TNNI3K: variants seen among roughly 807,000 people sequenced by gnomAD.
TNNI3K encodes the protein serine/threonine-protein kinase TNNI3K.
In TNNI3K, 140 loss-of-function variants were observed where a neutral mutation model predicts 114.5. That is an observed-to-expected ratio of 1.22 (90% CI 1.07 to 1.41). The LOEUF (loss-of-function observed/expected upper bound fraction) is 1.41, where lower values mean the gene tolerates loss of function less well. Ranked by LOEUF, TNNI3K falls within the 40% of genes most tolerant of loss-of-function variation. The pLI is 0.00. For synonymous variants in TNNI3K, 347 were observed against 347.5 expected, an observed-to-expected ratio of 1.00 and a Z score of 0.02; for missense variants, 1,125 against 1,007.6, an observed-to-expected ratio of 1.12 and a Z score of -1.58.
At chr1:74,251,694 T>C (rs940460531) in intron 4 of TNNI3K, among the ~76,000 whole-genome samples, 3 of 152,198 alleles carry the variant, frequency 2.0e-5, no homozygotes, top group Non-Finnish European at 2.9e-5. Flanking sequence ...GAGGGACAAC[T>C]TTTTGCTTGT....
chr1:74,469,578 C>CT (rs3835392), intron 21 of TNNI3K: 7,180 of 208,194 alleles, frequency 0.034, 113 homozygotes, highest in Non-Finnish European at 0.05. Context: ...TTGTTTAAGG[C>CT]TTTTTTTTTT....
At chr1:74,538,758 A>G (rs1646691059) in intron 23 of TNNI3K, among the ~76,000 whole-genome samples, 1 of 152,122 alleles carries the variant, frequency 6.6e-6, no homozygotes, top group Non-Finnish European at 1.5e-5. Flanking sequence ...ATTTGCGTTT[A>G]TTAAGAAGAG....
At chr1:74,524,068 G>A (rs566239801) in intron 23 of TNNI3K, among the ~76,000 whole-genome samples, 87 of 152,308 alleles carry the variant, frequency 5.7e-4, no homozygotes, top group African/African-American at 1.8e-3. Flanking sequence ...TTTTTGCAAA[G>A]CATTGACATT....
intron 23 of TNNI3K, among the ~76,000 whole-genome samples, chr1:74,506,389 G>A (rs903065851): frequency 6.6e-6 from 1 of 152,152 alleles, no homozygotes; most frequent in Non-Finnish European, 1.5e-5. Flanking sequence ...CTAGTAAACA[G>A]CAGGGCCAAG....
At position 74,243,609 on chromosome 1, in the gene TNNI3K, T is replaced by C. The variant is rs1654378112; in HGVS notation, c.150-5850T>C. ...TTCCCACTTGTGGTCATGTTAGATATCTTCTTGAAAGGATGAGGTCATGAA... is the reference window on the plus strand; with the variant it reads ...TTCCCACTTGTGGTCATGTTAGATACCTTCTTGAAAGGATGAGGTCATGAA... On this transcript the variant is annotated intron_variant, in intron 2 of 24. Transcript: ENST00000326637. Among the ~76,000 whole-genome samples, 4 of 152,180 alleles carry C rather than the reference T, an allele frequency of 2.6e-5. No individual in the cohort carries two copies. In the South Asian group the frequency reaches 8.3e-4, roughly 32 times the overall value.
intron 20 of TNNI3K, among the ~76,000 whole-genome samples, chr1:74,449,394 T>G (rs1219868528): frequency 6.6e-6 from 1 of 151,932 alleles, no homozygotes; most frequent in Admixed American, 6.6e-5. Flanking sequence ...ATCAATTTTG[T>G]TGATCCTTTC....
chr1:74,402,056 A>C (rs1278038304), intron 17 of TNNI3K: 1 of 200,188 alleles, frequency 5.0e-6, no homozygotes, highest in Non-Finnish European at 1.0e-5. Flanking sequence ...CATCCTTTAG[A>C]GTTTTTTAGT....
chr1:74,362,671 GTCTCTTGGATTGACTTGTCAT>G (rs1269800350), intron 11 of TNNI3K, among the ~76,000 whole-genome samples: 5 of 152,184 alleles, frequency 3.3e-5, no homozygotes, highest in African/African-American at 9.6e-5. Context: ...CTTTGTAACA[GTCTCTTGGATTGACTTGTCAT>G]CTTAAACAAA....
chr1:74,325,864 A>G (rs1021003947), intron 5 of TNNI3K, among the ~76,000 whole-genome samples: 3 of 152,218 alleles, frequency 2.0e-5, no homozygotes, highest in Admixed American at 2.0e-4. Flanking sequence ...TAATGTCTTT[A>G]GGATCATTTT....
chr1:74,408,326 A>G (rs1190097169), intron 17 of TNNI3K, among the ~76,000 whole-genome samples: 4 of 152,308 alleles, frequency 2.6e-5, no homozygotes, highest in South Asian at 4.1e-4. Flanking sequence ...CTGTTAGCCC[A>G]TGGACTAAAT....
chr1:74,412,412 C>G (rs1052088663), intron 17 of TNNI3K, among the ~76,000 whole-genome samples: 4 of 152,070 alleles, frequency 2.6e-5, no homozygotes. Flanking sequence ...TTGATATATA[C>G]TCATTCATAG....
intron 17 of TNNI3K, among the ~76,000 whole-genome samples, chr1:74,430,834 C>A (rs542098118): frequency 6.6e-6 from 1 of 152,168 alleles, no homozygotes; most frequent in South Asian, 2.1e-4. Context: ...GTCATTCAAT[C>A]AAAGCAGAAA....
At position 74,441,457 on chromosome 1, in the gene TNNI3K, G is replaced by A. The variant is rs1666370333; in HGVS notation, c.2011+1835G>A. ...GACCATTTGAGTTCTTCTCATTTTAGGGCTATTAAGAATAAATCTGCTCAA... is the reference window on the plus strand; with the variant it reads ...GACCATTTGAGTTCTTCTCATTTTAAGGCTATTAAGAATAAATCTGCTCAA... On this transcript the variant is annotated intron_variant, in intron 20 of 24. Coordinates refer to ENST00000326637, the MANE Select transcript of TNNI3K (RefSeq NM_015978.3). Among the ~76,000 whole-genome samples the A allele has an allele frequency of 2.0e-5, 3 of 152,072 alleles. No individual in the cohort carries two copies. The South Asian group carries it at 6.2e-4, about 32-fold the overall frequency.
At chr1:74,472,133 C>G in intron 21 of TNNI3K, 1 of 717,196 alleles carries the variant, frequency 1.4e-6, no homozygotes, top group Admixed American at 2.0e-5. Flanking sequence ...AAACGCTTCT[C>G]AAGACTTTCT....
chr1:74,248,094 G>A (rs557336205), intron 2 of TNNI3K, among the ~76,000 whole-genome samples: 11 of 152,226 alleles, frequency 7.2e-5, no homozygotes, highest in South Asian at 6.2e-4. Flanking sequence ...CAAGTGCAGC[G>A]CAGGTGGGCT....
chr1:74,326,026 T>C (rs1659882682), intron 5 of TNNI3K, among the ~76,000 whole-genome samples: 1 of 152,106 alleles, frequency 6.6e-6, no homozygotes, highest in African/African-American at 2.4e-5. Context: ...GACACAGGCA[T>C]AGAGAAGAGA....
At chr1:74,491,942 G>C (rs560237383) in intron 22 of TNNI3K, among the ~76,000 whole-genome samples, 155 bp from the exon 23 acceptor site, 1 of 152,280 alleles carries the variant, frequency 6.6e-6, no homozygotes, top group South Asian at 2.1e-4. Flanking sequence ...GTTGCCACTA[G>C]ACTTTTTCCT....
intron 23 of TNNI3K, among the ~76,000 whole-genome samples, chr1:74,531,348 T>G (rs1415254637): frequency 6.6e-6 from 1 of 152,234 alleles, no homozygotes; most frequent in East Asian, 1.9e-4. Flanking sequence ...TGAACTTAAC[T>G]GATAAATTAG....
At chr1:74,455,443 T>A (rs1178191362) in intron 20 of TNNI3K, among the ~76,000 whole-genome samples, 1 of 152,070 alleles carries the variant, frequency 6.6e-6, no homozygotes, top group Admixed American at 6.6e-5. Context: ...TGGAACCAGA[T>A]GTTGAAAGTC....
Sources: allele counts gnomAD v4.1 joint callset (sites outside exome capture counted in the v4.1 genomes callset), GRCh38; gene constraint gnomAD v4.1.1; transcripts MANE v1.5; gene names NCBI Gene and HGNC (gene_info 2026-07-23, HGNC 2026-07-21).